The following LTBP1 variants were observed in gnomAD, a reference collection of about 807,000 sequenced individuals.
The protein encoded by LTBP1 is latent-transforming growth factor beta-binding protein 1.
LTBP1 carries 129 observed loss-of-function variants against 207.6 expected under a neutral mutation model. The observed-to-expected ratio is 0.62, with a 90% CI of 0.54 to 0.72. The LOEUF (loss-of-function observed/expected upper bound fraction) is 0.72, where lower values mean the gene tolerates loss of function less well. Ranked by LOEUF, LTBP1 falls within the 30% of genes least tolerant of loss-of-function variation. The pLI, the probability that LTBP1 is intolerant of heterozygous loss-of-function variation, is 0.00. For missense variants in LTBP1, 2,281 were observed against 2,217.2 expected (o/e 1.03, Z -0.58); for synonymous variants, 963 against 833.7 (o/e 1.16, Z -2.67).
At chr2:33,094,361 T>C (rs901148760) in intron 3 of LTBP1, among the ~76,000 whole-genome samples, 2 of 152,206 alleles carry the variant, frequency 1.3e-5, no homozygotes, top group Non-Finnish European at 2.9e-5. Flanking sequence ...ATGTAAGATA[T>C]TGGAACAAGC....
At chr2:33,180,407 G>A (rs555925761) in intron 5 of LTBP1, among the ~76,000 whole-genome samples, 8 of 151,416 alleles carry the variant, frequency 5.3e-5, no homozygotes, top group Non-Finnish European at 1.2e-4. Flanking sequence ...GATGCATACC[G>A]AATGAAAAGG....
chr2:33,224,825 T>C (rs1033987158), intron 9 of LTBP1, among the ~76,000 whole-genome samples: 1 of 152,212 alleles, frequency 6.6e-6, no homozygotes, highest in Non-Finnish European at 1.5e-5. Context: ...GGCTTGCCAG[T>C]GGTTTATCAA....
chr2:33,080,160 G>A (rs927486642), intron 3 of LTBP1, among the ~76,000 whole-genome samples: 5 of 152,038 alleles, frequency 3.3e-5, no homozygotes, highest in African/African-American at 1.2e-4. Context: ...TTGAGTAGCT[G>A]GGCTTACAGG....
intron 11 of LTBP1, among the ~76,000 whole-genome samples, chr2:33,256,902 G>A (rs190969104): frequency 4.0e-5 from 6 of 149,960 alleles, no homozygotes; most frequent in Admixed American, 3.3e-4. Flanking sequence ...AGGGTCTTGA[G>A]CATTGCAGAT....
chr2:33,081,051 G>T (rs1427624010), intron 3 of LTBP1, among the ~76,000 whole-genome samples: 2 of 152,184 alleles, frequency 1.3e-5, no homozygotes, highest in African/African-American at 4.8e-5. Context: ...TAGATTAGAT[G>T]AAGAGTGAAC....
intron 5 of LTBP1, among the ~76,000 whole-genome samples, chr2:33,168,524 A>G (rs1051816974): frequency 6.6e-6 from 1 of 152,146 alleles, no homozygotes; most frequent in African/African-American, 2.4e-5. Context: ...CAAATTTTTA[A>G]TATTTAGTAT....
At chr2:33,110,839 ACAGT>A (rs1219111214) in intron 4 of LTBP1, 88 bp downstream of exon 4, 1 of 1,198,106 alleles carries the variant, frequency 8.3e-7, no homozygotes, top group East Asian at 2.6e-5. Context: ...TTAATGTGTC[ACAGT>A]AAATAAAATT....
At chr2:33,194,279 C>G (rs2088283262) in intron 7 of LTBP1, among the ~76,000 whole-genome samples, 1 of 151,670 alleles carries the variant, frequency 6.6e-6, no homozygotes. Flanking sequence ...GCCACCGAGC[C>G]CGGCCACATC....
At chr2:32,948,994 G>C (rs754869743) in intron 2 of LTBP1, 49 bp downstream of exon 2, 19 of 1,591,656 alleles carry the variant, frequency 1.2e-5, no homozygotes, top group African/African-American at 2.7e-5. Context: ...AAAGTGGGGG[G>C]AGGTGTCCAC....
rs774921482 is a variant in LTBP1 at position 33,257,405 on chromosome 2, A to G, written c.2289A>G (p.Gln763=). 6 of 1,614,102 alleles carry G rather than the reference A, an allele frequency of 3.7e-6. No individual in the cohort carries two copies. The highest frequency in any genetic ancestry group is 5.1e-6 in the Non-Finnish European group (6 of 1,180,034). Residue 763 remains glutamine (Q), a synonymous_variant, in exon 12 of 34, where the codon CAA becomes CAG. Transcript: ENST00000404816. ...TATTTGTCAAGCCAAAGAACACTCA[A>G]CCTGTTGCTAAAAGTACTCATCCTC... is the stretch of plus-strand genomic sequence containing the variant. The part of the protein sequence containing the change: ...GPVFVKPKNT[Q]PVAKSTHPPP...
At chr2:33,187,929 G>C (rs185921230) in intron 6 of LTBP1, among the ~76,000 whole-genome samples, 1 of 152,066 alleles carries the variant, frequency 6.6e-6, no homozygotes, top group Non-Finnish European at 1.5e-5. Flanking sequence ...TCAAATGCTT[G>C]ATCTTTCTGA....
chr2:33,254,171 C>G (rs1051279220), intron 11 of LTBP1, among the ~76,000 whole-genome samples: 3 of 151,984 alleles, frequency 2.0e-5, no homozygotes, highest in African/African-American at 4.8e-5. Context: ...GATGGTTCCA[C>G]TCATTATTAA....
intron 18 of LTBP1, 82 bp downstream of exon 18, chr2:33,276,005 C>G: frequency 6.7e-7 from 1 of 1,484,286 alleles, no homozygotes; most frequent in Non-Finnish European, 9.0e-7. Flanking sequence ...TGTTTCCTTC[C>G]CACACTCAGT....
intron 22 of LTBP1, among the ~76,000 whole-genome samples, chr2:33,306,176 A>G (rs751719015): frequency 3.3e-5 from 5 of 152,238 alleles, no homozygotes; most frequent in Non-Finnish European, 7.3e-5. Flanking sequence ...TTTCTAATGT[A>G]TATAATTATT....
intron 4 of LTBP1, among the ~76,000 whole-genome samples, chr2:33,121,507 C>T (rs1001370064): frequency 1.3e-5 from 2 of 152,048 alleles, no homozygotes; most frequent in South Asian, 2.1e-4. Context: ...AGCACAGGCA[C>T]CCACCAGCTG....
intron 3 of LTBP1, among the ~76,000 whole-genome samples, chr2:33,085,153 A>T (rs1391620125): frequency 6.6e-6 from 1 of 152,086 alleles, no homozygotes; most frequent in African/African-American, 2.4e-5. Flanking sequence ...GAGCCCCTAG[A>T]AGCTGGAAGA....
chr2:33,103,632 T>TGTGTGTGTGTGTG (rs200334066), intron 3 of LTBP1, among the ~76,000 whole-genome samples: 16 of 149,494 alleles, frequency 1.1e-4, no homozygotes, highest in Non-Finnish European at 1.6e-4. Context: ...TGTGTGAGTG[T>TGTGTGTGTGTGTG]TATGCTGCCA....
At chr2:33,338,211 A>C (rs1350481028) in intron 24 of LTBP1, among the ~76,000 whole-genome samples, 1 of 152,076 alleles carries the variant, frequency 6.6e-6, no homozygotes, top group East Asian at 1.9e-4. Flanking sequence ...TCAAATCCAA[A>C]ATATTGCTCA....
chr2:33,165,397 T>C (rs973054978), intron 5 of LTBP1, among the ~76,000 whole-genome samples: 2 of 152,216 alleles, frequency 1.3e-5, no homozygotes, highest in Non-Finnish European at 2.9e-5. Flanking sequence ...CAGAGAAGAA[T>C]CTAGGCTTTG....
Sources: gnomAD v4.1 joint callset for allele counts (sites outside exome capture counted in the v4.1 genomes callset) on GRCh38, gnomAD v4.1.1 for gene constraint, MANE v1.5 for transcripts, NCBI Gene and HGNC (gene_info 2026-07-23, HGNC 2026-07-21) for gene names.